Variants in FBXW4 observed in about 807,000 individuals in gnomAD.
FBXW4 encodes F-box and WD repeat domain containing 4.
FBXW4 carries 40 observed loss-of-function variants against 61.8 expected under a neutral mutation model. The ratio of observed to expected loss-of-function variants is 0.65; its 90% confidence interval spans 0.50 to 0.84. FBXW4 has a LOEUF of 0.84. Among genes scored for constraint, FBXW4 ranks in the 40% least tolerant of loss-of-function variants. The pLI, the probability that FBXW4 is intolerant of heterozygous loss-of-function variation, is 0.00. For synonymous variants in FBXW4, 311 were observed against 313.8 expected, an observed-to-expected ratio of 0.99 and a Z score of 0.10; for missense variants, 672 against 753.8, an observed-to-expected ratio of 0.89 and a Z score of 1.27.
At chr10:101,690,180 T>C (rs527838982) in intron 1 of FBXW4, among the ~76,000 whole-genome samples, 1 of 152,344 alleles carries the variant, frequency 6.6e-6, no homozygotes, top group Non-Finnish European at 1.5e-5. Flanking sequence ...GTATCAGAAT[T>C]TGCAGATAGC....
intron 5 of FBXW4, among the ~76,000 whole-genome samples, chr10:101,629,343 G>A (rs182800907): frequency 6.6e-6 from 1 of 151,786 alleles, no homozygotes; most frequent in Non-Finnish European, 1.5e-5. Flanking sequence ...GGAGTGCAGT[G>A]GTGCAATCTC....
At chr10:101,671,041 G>A (rs765667895) in intron 4 of FBXW4, among the ~76,000 whole-genome samples, 17 of 152,226 alleles carry the variant, frequency 1.1e-4, no homozygotes, top group Non-Finnish European at 1.8e-4. Context: ...TTCTTATGAA[G>A]GTTCAGGTGT....
At position 101,612,487 on chromosome 10, in the gene FBXW4, G is replaced by T; in HGVS notation, c.1302-10C>A. On this transcript the variant is annotated splice_polypyrimidine_tract_variant and intron_variant, in intron 6 of 8. Transcript: ENST00000331272. ...TGTCATCAGCTGCCCACTGGGAAGG[G>T]AAGGACGGAGTGAGAGGCTGCTCCA... The T allele has an allele frequency of 6.4e-7, 1 of 1,552,730 alleles. No homozygotes were observed. The highest frequency in any genetic ancestry group is 1.3e-5 in the South Asian group (1 of 79,304).
Position 101,611,622 on chromosome 10 carries a change from A to C in FBXW4, c.1584+6T>G. 1 of 1,613,982 alleles carries C rather than the reference A, an allele frequency of 6.2e-7. No homozygotes were observed. The highest frequency in any genetic ancestry group is 8.5e-7 in the Non-Finnish European group (1 of 1,179,854). On this transcript the variant is annotated splice_donor_region_variant and intron_variant, in intron 8 of 8. Transcript: ENST00000331272. The surrounding 1 kb of genome is among the most constrained non-coding windows in gnomAD (Gnocchi z 4.9). ...ATGCTGGAGAAGAGGTGGGCAGGAC[A>C]CTTACGTGCAGGCAGGCCCTTTGAC...
At chr10:101,650,832 C>T (rs576014015) in intron 5 of FBXW4, among the ~76,000 whole-genome samples, 1 of 152,336 alleles carries the variant, frequency 6.6e-6, no homozygotes, top group South Asian at 2.1e-4. Flanking sequence ...ATCAACACTC[C>T]GTGAACACAC....
chr10:101,694,308 C>T lies in FBXW4; in HGVS notation c.725+73G>A, dbSNP rs1589788994. The T allele has an allele frequency of 7.6e-7, 1 of 1,310,466 alleles. No homozygotes were observed. 81.2% of individuals were successfully genotyped at this position (1,310,466 alleles called of 1,614,324 possible). A position where few individuals can be genotyped will look rare whatever the true frequency, so the allele number is the denominator to read the frequency against. ...CGACACGACCCTGGGCCGACCAGGC[C>T]GCGGCGCCCCGCCCTTTCCCGGGAC... On this transcript the variant is annotated intron_variant, in intron 1 of 8. Transcript: ENST00000331272. The surrounding 1 kb of genome is among the most constrained non-coding windows in gnomAD (Gnocchi z 6.0).
intron 1 of FBXW4, among the ~76,000 whole-genome samples, chr10:101,680,401 G>T (rs576128436): frequency 6.6e-6 from 1 of 152,222 alleles, no homozygotes; most frequent in South Asian, 2.1e-4. Flanking sequence ...AGGGAAAAAA[G>T]ATTAAAAGCA....
chr10:101,659,808 G>A (rs1427642507), intron 5 of FBXW4, among the ~76,000 whole-genome samples: 1 of 152,196 alleles, frequency 6.6e-6, no homozygotes, highest in Non-Finnish European at 1.5e-5. Flanking sequence ...ACATATCCAT[G>A]TTAGAATACA....
chr10:101,686,166 A>G (rs748075263), intron 1 of FBXW4, among the ~76,000 whole-genome samples: 1 of 152,144 alleles, frequency 6.6e-6, no homozygotes, highest in Non-Finnish European at 1.5e-5. Context: ...TAGGTTCTGT[A>G]TTTGCACGGC....
At chr10:101,621,238 C>T (rs1033349080) in intron 6 of FBXW4, among the ~76,000 whole-genome samples, 4 of 152,198 alleles carry the variant, frequency 2.6e-5, no homozygotes, top group African/African-American at 9.7e-5. Flanking sequence ...AATTAAAAGC[C>T]TCCACAAGCC....
Position 101,663,629 on chromosome 10 carries a change from C to A in FBXW4, c.1235+4257G>T, listed in dbSNP as rs895021470. 2.0e-5 allele frequency among the ~76,000 whole-genome samples: 3 copies of A among 150,106 alleles called. No homozygotes were observed. In the East Asian group the frequency reaches 5.8e-4, roughly 29 times the overall value. The stretch of plus-strand genomic sequence containing the variant: ...TGTGCCACTGCACTCCAGGCAAGAC[C>A]CTGTCTCAAAAAAAAAAAAAAGAGT... On this transcript the variant is annotated intron_variant, in intron 5 of 8. Transcript: ENST00000331272.
Position 101,695,106 on chromosome 10 carries a change from G to T in FBXW4, c.-1C>A. 1.0e-6 allele frequency: 1 copy of T among 985,510 alleles called. No homozygotes were observed. The highest frequency in any genetic ancestry group is 4.7e-5 in the South Asian group (1 of 21,316). 61.0% of individuals were successfully genotyped at this position (985,510 alleles called of 1,614,324 possible). Reference sequence around the variant, plus strand: ...GCCCCGAGCGGCCCTGGCTGCCCATGAGCGGCCGCGGGGCCGGCCCGACGC... The same window carrying T: ...GCCCCGAGCGGCCCTGGCTGCCCATTAGCGGCCGCGGGGCCGGCCCGACGC... On this transcript the variant is annotated 5_prime_UTR_variant, in exon 1 of 9. Coordinates refer to ENST00000331272, the MANE Select transcript of FBXW4 (RefSeq NM_022039.4). This position sits in a 1 kb window ranked among gnomAD's most constrained non-coding sequence, Gnocchi z 4.2.
At chr10:101,619,309 A>G (rs2063849689) in intron 6 of FBXW4, among the ~76,000 whole-genome samples, 1 of 152,136 alleles carries the variant, frequency 6.6e-6, no homozygotes, top group African/African-American at 2.4e-5. Context: ...TCTCGTTTAG[A>G]TAGTAATCCT....
chr10:101,623,348 G>A (rs534724595), intron 6 of FBXW4, among the ~76,000 whole-genome samples: 3 of 152,114 alleles, frequency 2.0e-5, no homozygotes, highest in South Asian at 4.2e-4. Context: ...AGAAGTTCAA[G>A]ACCAGCCTTG....
intron 1 of FBXW4, among the ~76,000 whole-genome samples, chr10:101,692,085 A>T (rs942789356): frequency 5.3e-5 from 8 of 152,060 alleles, no homozygotes; most frequent in Non-Finnish European, 1.0e-4. Flanking sequence ...AAAAGTACAG[A>T]ATTTTTTTTT....
chr10:101,690,749 G>A (rs576338417), intron 1 of FBXW4, among the ~76,000 whole-genome samples: 1 of 152,242 alleles, frequency 6.6e-6, no homozygotes, highest in East Asian at 1.9e-4. Flanking sequence ...TCTTCGTCCC[G>A]GAGTGCAGGC....
intron 5 of FBXW4, among the ~76,000 whole-genome samples, chr10:101,667,081 A>C (rs1029371167): frequency 4.6e-5 from 7 of 151,972 alleles, no homozygotes; most frequent in African/African-American, 1.2e-4. Flanking sequence ...AATACAAAAA[A>C]TTAGCTGGGC....
At chr10:101,624,048 C>T (rs1057280286) in intron 6 of FBXW4, among the ~76,000 whole-genome samples, 7 of 151,712 alleles carry the variant, frequency 4.6e-5, no homozygotes, top group South Asian at 2.1e-4. Context: ...TGAATCTACA[C>T]GTGATACAAT....
At chr10:101,661,577 G>A (rs866136964) in intron 5 of FBXW4, among the ~76,000 whole-genome samples, 2 of 152,072 alleles carry the variant, frequency 1.3e-5, no homozygotes, top group African/African-American at 4.8e-5. Context: ...AGAATTACCT[G>A]GAGCTTCCAT....
Sources: gnomAD v4.1 joint callset for allele counts (sites outside exome capture counted in the v4.1 genomes callset) on GRCh38, gnomAD v4.1.1 for gene constraint, Gnocchi (gnomAD v3.1) non-coding constraint, MANE v1.5 for transcripts, NCBI Gene and HGNC (gene_info 2026-07-23, HGNC 2026-07-21) for gene names.